Variants in ZNF106 observed in about 807,000 individuals in gnomAD.
The protein encoded by ZNF106 is SH3-domain binding protein 3.
ZNF106 carries 67 observed loss-of-function variants against 195.1 expected under a neutral mutation model. That is an observed-to-expected ratio of 0.34 (90% CI 0.28 to 0.42). ZNF106 has a LOEUF of 0.42. ZNF106 is among the 10% of genes least tolerant of loss of function. ZNF106 has a pLI of 1.00. For missense variants in ZNF106, 2,118 were observed against 2,304.5 expected, an observed-to-expected ratio of 0.92 and a Z score of 1.66; for synonymous variants, 784 against 818.6, an observed-to-expected ratio of 0.96 and a Z score of 0.72.
chr15:42,486,106 T>G (rs1427497492), intron 1 of ZNF106, among the ~76,000 whole-genome samples: 1 of 151,316 alleles, frequency 6.6e-6, no homozygotes, highest in Non-Finnish European at 1.5e-5. Context: ...TACAGGCGCA[T>G]GTACCACCAC....
chr15:42,459,333 G>A (rs546706111), intron 3 of ZNF106, among the ~76,000 whole-genome samples: 2 of 151,876 alleles, frequency 1.3e-5, no homozygotes, highest in African/African-American at 4.8e-5. Flanking sequence ...AAAATTAGAC[G>A]GGCATGGTGG....
At chr15:42,483,383 TC>T (rs2056945421) in intron 1 of ZNF106, among the ~76,000 whole-genome samples, 1 of 152,104 alleles carries the variant, frequency 6.6e-6, no homozygotes, top group Admixed American at 6.6e-5. Flanking sequence ...AGAAGACATA[TC>T]CTCCATCATG....
intron 1 of ZNF106, among the ~76,000 whole-genome samples, chr15:42,482,622 G>C (rs762875823): frequency 2.1e-4 from 29 of 139,764 alleles, no homozygotes; most frequent in Non-Finnish European, 4.2e-4. Flanking sequence ...TCCTCCTCCC[G>C]GGTTCAAGCA....
rs762045434 is a variant in ZNF106, at chr15:42,421,142, G to C, written c.5446-10C>G. On this transcript the variant is annotated splice_polypyrimidine_tract_variant and intron_variant, in intron 19 of 21. Coordinates refer to ENST00000564754, the MANE Select transcript of ZNF106 (RefSeq NM_001366845.3). Reference sequence around the variant, plus strand: ...AACAGCCAGTGTAAATCTGGAGAAAGAGAGGTTTATAATATCAGACCAAAA... The same window carrying C: ...AACAGCCAGTGTAAATCTGGAGAAACAGAGGTTTATAATATCAGACCAAAA... 3 of 1,613,782 alleles carry C rather than the reference G, an allele frequency of 1.9e-6. No homozygotes were observed. The South Asian group carries it at 3.3e-5, about 18-fold the overall frequency.
chr15:42,446,240 G>C (rs969074681), intron 7 of ZNF106, among the ~76,000 whole-genome samples: 5 of 152,152 alleles, frequency 3.3e-5, no homozygotes, highest in Non-Finnish European at 2.9e-5. Context: ...TTTGATAAAT[G>C]ACAAGCTATG....
At chr15:42,469,858 C>A (rs796314048) in intron 2 of ZNF106, among the ~76,000 whole-genome samples, 1,970 of 85,566 alleles carry the variant, frequency 0.023, 53 homozygotes, top group African/African-American at 0.067. Context: ...AAAACAACAA[C>A]AAAAAAAAAA....
Position 42,466,034 on chromosome 15 carries a change from A to G in ZNF106, c.116+19T>C, listed in dbSNP as rs762609569. ...TCCACCCACATTCACAAACTTATGG[A>G]AGAGAGCCGTTCCCATACCTGCCCT... On this transcript the variant is annotated intron_variant, in intron 3 of 21. Coordinates refer to ENST00000564754, the MANE Select transcript of ZNF106 (RefSeq NM_001366845.3). The G allele has an allele frequency of 2.0e-6, 3 of 1,528,718 alleles. No individual in the cohort carries two copies. The South Asian group carries it at 3.6e-5, about 18-fold the overall frequency. The allele number at this position is 1,528,718 out of a possible 1,614,324, so 94.7% of individuals were successfully genotyped here. A position where few individuals can be genotyped will look rare whatever the true frequency, so the allele number is the denominator to read the frequency against.
intron 3 of ZNF106, among the ~76,000 whole-genome samples, chr15:42,462,894 C>T (rs2056426105): frequency 2.0e-5 from 3 of 152,148 alleles, no homozygotes; most frequent in African/African-American, 7.2e-5. Context: ...AGGGATCCTC[C>T]TGCCTCAGCC....
chr15:42,445,533 T>C (rs546494093), intron 7 of ZNF106, among the ~76,000 whole-genome samples: 1 of 152,252 alleles, frequency 6.6e-6, no homozygotes, highest in Non-Finnish European at 1.5e-5. Context: ...GTTTGTCTGT[T>C]TCCTATTCAA....
rs13380295 is a variant in ZNF106, at chr15:42,481,067, T to C, written c.-32-8746A>G. Among the ~76,000 whole-genome samples the C allele has an allele frequency of 9.7e-3, 1,481 of 152,242 alleles. 32 individuals are homozygous for C. The highest frequency in any genetic ancestry group is 0.034 in the African/African-American group (1,431 of 41,540). Reference sequence around the variant, plus strand: ...CCATTTACCCTCACCCATCATCCCATGCTTTATGGGATATGTTTTATATCT... The same window carrying C: ...CCATTTACCCTCACCCATCATCCCACGCTTTATGGGATATGTTTTATATCT... On this transcript the variant is annotated intron_variant, in intron 1 of 21. Transcript: ENST00000564754.
Position 42,428,024 on chromosome 15 carries a change from GT to G in ZNF106, c.4991del (p.Asn1664ThrfsTer2). The G allele has an allele frequency of 6.2e-7, 1 of 1,613,518 alleles. No individual in the cohort carries two copies. Among genetic ancestry groups the G allele is most frequent in the Non-Finnish European group, 8.5e-7 (1 of 1,179,482 alleles). On this transcript the variant is annotated frameshift_variant, in exon 15 of 22. Coordinates refer to ENST00000564754, the MANE Select transcript of ZNF106 (RefSeq NM_001366845.3). LOFTEE classifies it high-confidence loss of function. ...GLANGTVVTFNIKNNKRLEIF... is the reference protein window; with the variant it reads ...GLANGTVVTFXIKNNKRLEIF... ...TTCTCCTCCAACCACTAACCTTTATGTTGAAGGTGACCACAGTGCCATTTGC... is the reference window on the plus strand; with the variant it reads ...TTCTCCTCCAACCACTAACCTTTATGTGAAGGTGACCACAGTGCCATTTGC...
In ZNF106 at chr15:42,415,163, C is replaced by G. The variant is rs906760404; in HGVS notation, c.*2141G>C. 1 of 162,686 alleles carries G rather than the reference C, an allele frequency of 6.1e-6. No homozygotes were observed. Among genetic ancestry groups the G allele is most frequent in the Non-Finnish European group, 1.3e-5 (1 of 75,510 alleles). 10.1% of individuals were successfully genotyped at this position (162,686 alleles called of 1,614,324 possible). A position where few individuals can be genotyped will look rare whatever the true frequency, so the allele number is the denominator to read the frequency against. ...TGAGGTGGAGTTTCACTCTTGTCGC[C>G]CAGGCTGGAGTGCAGTAGTATGATC... is the stretch of plus-strand genomic sequence containing the variant. On this transcript the variant is annotated 3_prime_UTR_variant, in exon 22 of 22. Coordinates refer to ENST00000564754, the MANE Select transcript of ZNF106 (RefSeq NM_001366845.3).
At chr15:42,478,796 G>A (rs2056839738) in intron 1 of ZNF106, among the ~76,000 whole-genome samples, 1 of 152,072 alleles carries the variant, frequency 6.6e-6, no homozygotes, top group Non-Finnish European at 1.5e-5. Context: ...ACAGGTGTGA[G>A]CCACCATGCC....
intron 3 of ZNF106, among the ~76,000 whole-genome samples, chr15:42,460,808 C>T (rs1418515201): frequency 1.5e-4 from 22 of 148,768 alleles, no homozygotes; most frequent in African/African-American, 5.3e-4. Flanking sequence ...TGCGGTGAGC[C>T]GAGATTGCAC....
At chr15:42,455,406 G>A (rs1342984837) in intron 4 of ZNF106, among the ~76,000 whole-genome samples, 1 of 152,108 alleles carries the variant, frequency 6.6e-6, no homozygotes, top group Non-Finnish European at 1.5e-5. Flanking sequence ...AATGAGGTGT[G>A]GAATTTTCCA....
chr15:42,435,274 A>G, intron 14 of ZNF106, 110 bp downstream of exon 14: 1 of 1,461,820 alleles, frequency 6.8e-7, no homozygotes, highest in Non-Finnish European at 9.4e-7. Flanking sequence ...TTAGAAGCAA[A>G]AAGGAGATGG....
chr15:42,463,292 G>C (rs8036544), intron 3 of ZNF106, among the ~76,000 whole-genome samples: 34,920 of 152,008 alleles, frequency 0.23, 4,794 homozygotes, highest in African/African-American at 0.37. Flanking sequence ...AAGGAAGTCT[G>C]TTGAAAATGG....
intron 3 of ZNF106, among the ~76,000 whole-genome samples, chr15:42,462,708 G>C (rs1056701628): frequency 1.3e-5 from 2 of 152,232 alleles, no homozygotes; most frequent in Non-Finnish European, 2.9e-5. Context: ...AGAGGGGAAA[G>C]GGGGGTGGAG....
At position 42,415,374 on chromosome 15, in the gene ZNF106, G is replaced by C. The variant is rs558176779; in HGVS notation, c.*1930C>G. The C allele has an allele frequency of 2.2e-6, 1 of 448,024 alleles. No homozygotes were observed. The highest frequency in any genetic ancestry group is 4.5e-6 in the Non-Finnish European group (1 of 223,176). 27.8% of individuals were successfully genotyped at this position (448,024 alleles called of 1,614,324 possible). On this transcript the variant is annotated 3_prime_UTR_variant, in exon 22 of 22. Coordinates refer to ENST00000564754, the MANE Select transcript of ZNF106 (RefSeq NM_001366845.3). ...TGACCTTGAGTGATCCACCCGCCTC[G>C]GCCTCCCAAAGAGCTGGGATTACAG...
Sources: gnomAD v4.1 joint callset for allele counts (sites outside exome capture counted in the v4.1 genomes callset) on GRCh38, gnomAD v4.1.1 for gene constraint, MANE v1.5 for transcripts, NCBI Gene and HGNC (gene_info 2026-07-23, HGNC 2026-07-21) for gene names.